The following TM7SF3 variants were observed in gnomAD, a reference collection of about 807,000 sequenced individuals.
TM7SF3 encodes seven span transmembrane protein.
Under a neutral mutation model 65.5 loss-of-function variants are expected in TM7SF3, and 60 were observed. The observed-to-expected ratio is 0.92, with a 90% CI of 0.74 to 1.14. The LOEUF is 1.14. TM7SF3 is among the 50% of genes most tolerant of loss of function. The pLI, the probability that TM7SF3 is intolerant of heterozygous loss-of-function variation, is 0.00. For synonymous variants in TM7SF3, 264 were observed against 259.6 expected (o/e 1.02, Z -0.16); for missense variants, 623 against 684.8 (o/e 0.91, Z 1.01).
At chr12:26,983,837 G>A (rs891951351) in intron 6 of TM7SF3, among the ~76,000 whole-genome samples, 9 of 152,068 alleles carry the variant, frequency 5.9e-5, no homozygotes, top group South Asian at 4.1e-4. Flanking sequence ...GATGAAGCAC[G>A]GTATCATTTA....
chr12:27,006,347 C>G lies in TM7SF3; in HGVS notation c.92-2957G>C, dbSNP rs183167635. Among the ~76,000 whole-genome samples, 23 of 151,936 alleles carry G rather than the reference C, an allele frequency of 1.5e-4. No homozygotes were observed. In the East Asian group the frequency reaches 4.5e-3, roughly 30 times the overall value. On this transcript the variant is annotated intron_variant, in intron 1 of 11. Coordinates refer to ENST00000343028, the MANE Select transcript of TM7SF3 (RefSeq NM_016551.3). Reference sequence around the variant, plus strand: ...AGGGACTGGGTTTCACTATGTTGGCCAGGCTGGTCTCAATCTCTTGACCTC... The same window carrying G: ...AGGGACTGGGTTTCACTATGTTGGCGAGGCTGGTCTCAATCTCTTGACCTC...
rs1939368236 is a variant in TM7SF3, at chr12:26,971,704, C to T, written c.*2261G>A. On this transcript the variant is annotated 3_prime_UTR_variant, in exon 12 of 12. Coordinates refer to ENST00000343028, the MANE Select transcript of TM7SF3 (RefSeq NM_016551.3). The stretch of plus-strand genomic sequence containing the variant: ...GTGTGTTCTGTCTTTACAGTCTTCA[C>T]TGGCAGTGCATTCAGATAGTATAGA... The T allele has an allele frequency of 6.6e-6, 1 of 152,132 alleles. No individual in the cohort carries two copies. The highest frequency in any genetic ancestry group is 6.5e-5 in the Admixed American group (1 of 15,282). The allele number at this position is 152,132 out of a possible 1,614,324, so 9.4% of individuals were successfully genotyped here.
At position 26,996,818 on chromosome 12, in the gene TM7SF3, C is replaced by A; in HGVS notation, c.442G>T (p.Asp148Tyr). 1 of 1,613,404 alleles carries A rather than the reference C, an allele frequency of 6.2e-7. No homozygotes were observed. Among genetic ancestry groups the A allele is most frequent in the South Asian group, 1.1e-5 (1 of 90,896 alleles). The change falls in exon 4 of 12, where the codon GAT (aspartate) becomes TAT (tyrosine). Residue 148 changes from aspartate (D) to tyrosine (Y), a missense_variant. By Grantham distance (160) the Asp-to-Tyr change is radical. Transcript: ENST00000343028. ...TTATACTCCAAGTAAATGTTGGGAT[C>A]AATATCTAAATCGAACTCCAAATTA... ...GCNLEFDLDI[D>Y]PNIYLEYNFF... is the part of the protein sequence containing the mutation.
intron 11 of TM7SF3, 35 bp downstream of exon 11, chr12:26,975,461 G>A: frequency 6.2e-7 from 1 of 1,612,040 alleles, no homozygotes; most frequent in Non-Finnish European, 8.5e-7. Flanking sequence ...CTCCTACTGT[G>A]CTGTCACACT....
chr12:27,002,630 G>C (rs142774368), intron 2 of TM7SF3, among the ~76,000 whole-genome samples: 1,574 of 152,184 alleles, frequency 0.01, 5 homozygotes, highest in Non-Finnish European at 0.015. Context: ...TTATATAAAT[G>C]GCAGACTCTT....
intron 3 of TM7SF3, among the ~76,000 whole-genome samples, chr12:26,997,823 C>CT (rs3071165): frequency 0.021 from 2,447 of 113,998 alleles, 95 homozygotes; most frequent in East Asian, 0.071. Context: ...TTACCACTTC[C>CT]TTTTTTTTTT....
intron 6 of TM7SF3, among the ~76,000 whole-genome samples, chr12:26,988,062 T>TAA (rs375692230): frequency 2.3e-5 from 3 of 132,756 alleles, no homozygotes; most frequent in Non-Finnish European, 1.6e-5. Flanking sequence ...AGATTAAAAT[T>TAA]AAAAAAAAAA....
At chr12:26,978,000 G>T (rs953307290) in intron 9 of TM7SF3, 1 of 395,426 alleles carries the variant, frequency 2.5e-6, no homozygotes, top group Non-Finnish European at 5.0e-6. Context: ...GGAGGCTGAT[G>T]TAAGAGGATG....
intron 1 of TM7SF3, among the ~76,000 whole-genome samples, chr12:27,013,486 T>C (rs974017907): frequency 2.6e-5 from 4 of 152,242 alleles, no homozygotes; most frequent in Non-Finnish European, 5.9e-5. Context: ...GTATCTGTAA[T>C]TCAGAAAGTC....
intron 1 of TM7SF3, among the ~76,000 whole-genome samples, chr12:27,006,827 G>C (rs552430976): frequency 3.9e-5 from 6 of 152,164 alleles, no homozygotes; most frequent in Admixed American, 6.5e-5. Flanking sequence ...TCCATTCTGG[G>C]TATGTACCAT....
chr12:27,014,211 G>GGTGCGGGC lies in TM7SF3; in HGVS notation c.-51_-44dup. 6.5e-7 allele frequency: 1 copy of GGTGCGGGC among 1,536,180 alleles called. No individual in the cohort carries two copies. Among genetic ancestry groups the GGTGCGGGC allele is most frequent in the East Asian group, 2.5e-5 (1 of 40,118 alleles). ...TGGGCCCACGCCAGGGCTGGGGAGA[G>GGTGCGGGC]GTGCGGGCGTGCGCGCCGGGGCCCC... On this transcript the variant is annotated 5_prime_UTR_variant, in exon 1 of 12. Transcript: ENST00000343028.
Position 26,974,108 on chromosome 12 carries a change from T to G in TM7SF3, c.1570A>C (p.Arg524=), listed in dbSNP as rs1336897473. 1.9e-6 allele frequency: 3 copies of G among 1,614,186 alleles called. No individual in the cohort carries two copies. Among genetic ancestry groups the G allele is most frequent in the East Asian group, 4.5e-5 (2 of 44,884 alleles). ...AGAATGTTTGTCACTCGGCGCTCTCTCTCTTGCTTCCATAACTTGTATGGG... is the reference window on the plus strand; with the variant it reads ...AGAATGTTTGTCACTCGGCGCTCTCGCTCTTGCTTCCATAACTTGTATGGG... ...PHPYKLWKQE[R]ERRVTNILDP... is the part of the protein sequence containing the mutation. Residue 524 remains arginine (R), a synonymous_variant, in exon 12 of 12, where the codon AGA becomes CGA. Coordinates refer to ENST00000343028, the MANE Select transcript of TM7SF3 (RefSeq NM_016551.3).
chr12:26,997,753 A>G (rs1286488008), intron 3 of TM7SF3, among the ~76,000 whole-genome samples: 4 of 149,852 alleles, frequency 2.7e-5, no homozygotes. Context: ...GCTGACTCCT[A>G]CTTGCTCTAG....
At chr12:26,977,492 G>T (rs1212544086) in intron 9 of TM7SF3, among the ~76,000 whole-genome samples, 1 of 152,328 alleles carries the variant, frequency 6.6e-6, no homozygotes, top group South Asian at 2.1e-4. Context: ...GGTGGCTCAC[G>T]CCTGTAATCC....
At chr12:26,991,130 T>C (rs994098015) in intron 5 of TM7SF3, among the ~76,000 whole-genome samples, 2 of 149,840 alleles carry the variant, frequency 1.3e-5, no homozygotes, top group Non-Finnish European at 3.0e-5. Context: ...TTTTGTTATG[T>C]AGTAGTAGTT....
chr12:26,995,358 C>A lies in TM7SF3; in HGVS notation c.569G>T (p.Trp190Leu). 3 of 1,614,240 alleles carry A rather than the reference C, an allele frequency of 1.9e-6. No homozygotes were observed. The highest frequency in any genetic ancestry group is 2.5e-6 in the Non-Finnish European group (3 of 1,180,044). ...CDAGTDQDSR[W>L]RLQYDVYQYF... The stretch of plus-strand genomic sequence containing the variant: ...CTGATAGACATCATACTGCAACCTC[C>A]ACCTGGAGTCCTGGTCTGTCCCAGC... Residue 190 changes from tryptophan to leucine, a missense_variant, in exon 5 of 12, where the codon TGG becomes TTG. Coordinates refer to ENST00000343028, the MANE Select transcript of TM7SF3 (RefSeq NM_016551.3).
intron 11 of TM7SF3, among the ~76,000 whole-genome samples, 173 bp downstream of exon 11, chr12:26,975,323 C>G (rs189905558): frequency 1.3e-5 from 2 of 152,276 alleles, no homozygotes; most frequent in Admixed American, 1.3e-4. Flanking sequence ...ATGCTTTACT[C>G]CCATGATCCT....
chr12:26,999,632 C>A lies in TM7SF3; in HGVS notation c.291G>T (p.Leu97=), dbSNP rs1351737813. 10 of 1,614,070 alleles carry A rather than the reference C, an allele frequency of 6.2e-6. No homozygotes were observed. The highest frequency in any genetic ancestry group is 7.6e-6 in the Non-Finnish European group (9 of 1,180,016). Residue 97 remains leucine (L), a synonymous_variant, in exon 3 of 12, where the codon CTG becomes CTT. Transcript: ENST00000343028. The stretch of plus-strand genomic sequence containing the variant: ...TCTGCTCTGGTCTAAGGATGAAAAC[C>A]AGTCCACTGGCAGTGCCTGTTTCCG... The part of the protein sequence containing the change: ...NSSETGTASG[L]VFILRPEQST...
At chr12:26,975,762 G>T in intron 10 of TM7SF3, 104 bp from the exon 11 acceptor site, 3 of 1,275,244 alleles carry the variant, frequency 2.4e-6, no homozygotes, top group Non-Finnish European at 3.2e-6. Context: ...GCTCCCTCAG[G>T]CATGAAAAAG....
Sources: allele counts gnomAD v4.1 joint callset (sites outside exome capture counted in the v4.1 genomes callset), GRCh38; gene constraint gnomAD v4.1.1; transcripts MANE v1.5; gene names NCBI Gene and HGNC (gene_info 2026-07-23, HGNC 2026-07-21).